Variants in CNBD1 observed in about 807,000 individuals in gnomAD.
CNBD1 encodes cyclic nucleotide binding domain containing 1, also known as cyclic nucleotide-binding domain-containing protein 1.
A neutral mutation model predicts 54.4 loss-of-function variants in CNBD1; 71 were observed. The ratio of observed to expected loss-of-function variants is 1.30; its 90% CI spans 1.08 to 1.59. The LOEUF (loss-of-function observed/expected upper bound fraction) is 1.59. CNBD1 is among the 40% of genes most tolerant of loss of function. The pLI is 0.00. For synonymous variants in CNBD1, 182 were observed against 170.7 expected (o/e 1.07, Z -0.51); for missense variants, 659 against 518.0 (o/e 1.27, Z -2.64).
intron 8 of CNBD1, among the ~76,000 whole-genome samples, chr8:87,319,677 G>A (rs2336995): frequency 0.56 from 85,489 of 151,770 alleles, 25,649 homozygotes; most frequent in African/African-American, 0.77. Context: ...AAAGTAACAT[G>A]TTTTTACCTC....
At chr8:87,334,008 G>A (rs1302039561) in intron 8 of CNBD1, among the ~76,000 whole-genome samples, 1 of 151,518 alleles carries the variant, frequency 6.6e-6, no homozygotes, top group African/African-American at 2.4e-5. Context: ...TGGGTTTTTT[G>A]TTTCTTTGTT....
At position 87,108,431 on chromosome 8, in the gene CNBD1, T is replaced by C. The variant is rs185204760; in HGVS notation, c.432-97562T>C. ...TATATAACAGAATCATTCATGGAGC[T>C]TTTAAAGTATACAAGTTACTAGGTC... On this transcript the variant is annotated intron_variant, in intron 4 of 10. Coordinates refer to ENST00000518476, the MANE Select transcript of CNBD1 (RefSeq NM_173538.3). Among the ~76,000 whole-genome samples the C allele has an allele frequency of 2.9e-3, 447 of 152,290 alleles. 4 individuals carry two copies. Among genetic ancestry groups the C allele is most frequent in the African/African-American group, 0.01 (421 of 41,568 alleles).
chr8:87,346,899 G>A (rs1810186125), intron 8 of CNBD1, among the ~76,000 whole-genome samples: 2 of 152,262 alleles, frequency 1.3e-5, no homozygotes. Context: ...ATGGACTCTA[G>A]CCCCAATATC....
At chr8:87,305,094 C>G (rs1206882803) in intron 8 of CNBD1, among the ~76,000 whole-genome samples, 11 of 152,026 alleles carry the variant, frequency 7.2e-5, no homozygotes, top group African/African-American at 2.7e-4. Context: ...AAATCAGTAG[C>G]TCTTCTATAC....
Position 86,919,046 on chromosome 8 carries a change from G to A in CNBD1, c.272+13852G>A, listed in dbSNP as rs1434494145. ...TTTTTTTTTTAAAAAAAAAGAGAAAGGCAATTGGAACTTTAATTTTGCCCC... is the reference window on the plus strand; with the variant it reads ...TTTTTTTTTTAAAAAAAAAGAGAAAAGCAATTGGAACTTTAATTTTGCCCC... On this transcript the variant is annotated intron_variant, in intron 3 of 10. Transcript: ENST00000518476. Among the ~76,000 whole-genome samples, 7 of 150,888 alleles carry A rather than the reference G, an allele frequency of 4.6e-5. No individual in the cohort carries two copies. The East Asian group carries it at 1.4e-3, about 29-fold the overall frequency.
rs541855630 is a variant in CNBD1 at position 87,148,367 on chromosome 8, CAT to C, written c.432-57625_432-57624del. The stretch of plus-strand genomic sequence containing the variant: ...ACTATATGTTGAACTTGATCGTAAA[CAT>C]GTGTACAAAATTATACTTTTAAATT... On this transcript the variant is annotated intron_variant, in intron 4 of 10. Coordinates refer to ENST00000518476, the MANE Select transcript of CNBD1 (RefSeq NM_173538.3). Among the ~76,000 whole-genome samples the C allele has an allele frequency of 2.9e-3, 444 of 152,260 alleles. 1 individual carries two copies. Among genetic ancestry groups the C allele is most frequent in the African/African-American group, 0.01 (419 of 41,548 alleles).
intron 4 of CNBD1, among the ~76,000 whole-genome samples, chr8:87,122,775 G>A (rs149259334): frequency 2.1e-3 from 326 of 151,914 alleles, no homozygotes; most frequent in African/African-American, 7.4e-3. Context: ...TCCTTTGCAT[G>A]TGGATATTCA....
chr8:87,397,070 T>G (rs1162270055), intron 2 of CNBD1, among the ~76,000 whole-genome samples: 1 of 151,922 alleles, frequency 6.6e-6, no homozygotes, highest in Non-Finnish European at 1.5e-5. Flanking sequence ...TTGATCTATC[T>G]CTAGACTCTT....
At chr8:86,904,419 C>A (rs1477050879) in intron 2 of CNBD1, among the ~76,000 whole-genome samples, 1 of 152,002 alleles carries the variant, frequency 6.6e-6, no homozygotes, top group African/African-American at 2.4e-5. Context: ...CAATGCTATT[C>A]TCTGAATCTT....
chr8:87,095,079 G>A (rs537503250), intron 4 of CNBD1, among the ~76,000 whole-genome samples: 3 of 152,240 alleles, frequency 2.0e-5, no homozygotes, highest in African/African-American at 7.2e-5. Context: ...GTGAGGAGAT[G>A]CCTATAACCT....
intron 4 of CNBD1, among the ~76,000 whole-genome samples, chr8:87,089,968 TCTC>T (rs1811173691): frequency 6.6e-6 from 1 of 152,114 alleles, no homozygotes; most frequent in Admixed American, 6.5e-5. Flanking sequence ...TATTTCTATT[TCTC>T]CTATTTTATT....
intron 4 of CNBD1, among the ~76,000 whole-genome samples, chr8:87,149,236 GA>G (rs1054334792): frequency 1.3e-5 from 2 of 152,172 alleles, no homozygotes; most frequent in Non-Finnish European, 2.9e-5. Flanking sequence ...TTTCATAAAG[GA>G]AAAAAAGAAT....
At chr8:86,937,114 G>T (rs1471754002) in intron 3 of CNBD1, among the ~76,000 whole-genome samples, 1 of 152,130 alleles carries the variant, frequency 6.6e-6, no homozygotes, top group Non-Finnish European at 1.5e-5. Context: ...GCTGAGGTAG[G>T]ACTCACAATC....
chr8:87,169,959 T>C (rs1055057955), intron 4 of CNBD1, among the ~76,000 whole-genome samples: 1 of 152,116 alleles, frequency 6.6e-6, no homozygotes, highest in Non-Finnish European at 1.5e-5. Context: ...CATTAGTATT[T>C]TGATAGGGAA....
At chr8:87,203,160 GATATA>G (rs1359013323) in intron 4 of CNBD1, among the ~76,000 whole-genome samples, 4 of 152,246 alleles carry the variant, frequency 2.6e-5, no homozygotes, top group Middle Eastern at 3.4e-3. Context: ...GAAGTATACT[GATATA>G]ATATATTTTA....
At position 86,939,762 on chromosome 8, in the gene CNBD1, T is replaced by C; in HGVS notation, c.431+8T>C. On this transcript the variant is annotated splice_region_variant and intron_variant, in intron 4 of 10. Coordinates refer to ENST00000518476, the MANE Select transcript of CNBD1 (RefSeq NM_173538.3). The stretch of plus-strand genomic sequence containing the variant: ...AGCTATCTTAAAGAAATTGTAAGTA[T>C]TTAAAATATATTCCTTCTTCTAATT... 6.8e-7 allele frequency: 1 copy of C among 1,471,452 alleles called. No individual in the cohort carries two copies. The highest frequency in any genetic ancestry group is 9.2e-7 in the Non-Finnish European group (1 of 1,081,384). The allele number at this position is 1,471,452 out of a possible 1,614,324, so 91.1% of individuals were successfully genotyped here.
chr8:86,963,176 G>C (rs1807977404), intron 4 of CNBD1, among the ~76,000 whole-genome samples: 1 of 152,090 alleles, frequency 6.6e-6, no homozygotes. Context: ...GCTGACCATG[G>C]GTGCAAGTGC....
intron 6 of CNBD1, among the ~76,000 whole-genome samples, chr8:87,255,366 CT>C (rs1184197638): frequency 2.6e-5 from 4 of 152,034 alleles, no homozygotes; most frequent in Non-Finnish European, 5.9e-5. Context: ...TTTATACTTA[CT>C]GTTAATAGCC....
intron 2 of CNBD1, 63 bp downstream of exon 2, chr8:86,887,674 G>T (rs1172206656): frequency 2.5e-6 from 3 of 1,193,236 alleles, no homozygotes; most frequent in Admixed American, 4.3e-5. Context: ...TTGTTTTAGG[G>T]ATAAAGTATA....
Sources: allele counts gnomAD v4.1 joint callset (sites outside exome capture counted in the v4.1 genomes callset), GRCh38; gene constraint gnomAD v4.1.1; transcripts MANE v1.5; gene names NCBI Gene and HGNC (gene_info 2026-07-23, HGNC 2026-07-21).